The following UMAD1 variants were observed in gnomAD, a reference collection of about 807,000 sequenced individuals.
UMAD1 encodes the protein UBAP1-MVB12-associated (UMA) domain containing 1, also known as UBAP1-MVB12-associated (UMA)-domain containing protein 1.
In UMAD1, 8 loss-of-function variants were observed where a neutral mutation model predicts 6.1. The ratio of observed to expected loss-of-function variants is 1.30; its 90% CI spans 0.76 to 2.35. The LOEUF (loss-of-function observed/expected upper bound fraction) is 2.35, where lower values mean the gene tolerates loss of function less well. Among genes scored for constraint, UMAD1 ranks in the 30% most tolerant of loss-of-function variants. The pLI is 0.00. For synonymous variants in UMAD1, 56 were observed against 31.4 expected (o/e 1.78, Z -2.61); for missense variants, 130 against 78.4 (o/e 1.66, Z -2.49).
At chr7:7,832,652 C>T (rs1783488889) in intron 3 of UMAD1, among the ~76,000 whole-genome samples, 1 of 152,192 alleles carries the variant, frequency 6.6e-6, no homozygotes, top group African/African-American at 2.4e-5. Context: ...CAGTGCTCTT[C>T]AGTGATGATC....
At position 7,648,279 on chromosome 7, in the gene UMAD1, T is replaced by TGCTTAAGTTTTCTCC. The variant is rs537597584; in HGVS notation, c.-64+7474_-64+7488dup. 2.6e-5 allele frequency among the ~76,000 whole-genome samples: 4 copies of TGCTTAAGTTTTCTCC among 152,384 alleles called. 1 individual carries two copies. In the South Asian group the frequency reaches 8.3e-4, roughly 32 times the overall value. ...GATCATGAGTGATTTGCTGTTTCTCTGCTTAAGTTTTCTCCGCTTAAGTTT... is the reference window on the plus strand; with the variant it reads ...GATCATGAGTGATTTGCTGTTTCTCTGCTTAAGTTTTCTCCGCTTAAGTTTTCTCCGCTTAAGTTT... On this transcript the variant is annotated intron_variant, in intron 1 of 3. Coordinates refer to ENST00000682710, the MANE Select transcript of UMAD1 (RefSeq NM_001302348.2).
chr7:7,853,135 T>C (rs533365949), intron 3 of UMAD1, among the ~76,000 whole-genome samples: 66 of 152,218 alleles, frequency 4.3e-4, no homozygotes, highest in Non-Finnish European at 7.8e-4. Flanking sequence ...AAAACCAGTA[T>C]ATATGTATAT....
chr7:7,767,041 C>T (rs1374088271), intron 2 of UMAD1, among the ~76,000 whole-genome samples: 3 of 151,476 alleles, frequency 2.0e-5, no homozygotes, highest in African/African-American at 7.3e-5. Flanking sequence ...GGTCCTTTCA[C>T]CCAAAAAAAA....
At chr7:7,710,293 T>G (rs971643382) in intron 2 of UMAD1, among the ~76,000 whole-genome samples, 1 of 152,166 alleles carries the variant, frequency 6.6e-6, no homozygotes, top group Non-Finnish European at 1.5e-5. Context: ...GTCTCACACT[T>G]TATGCAAAAA....
chr7:7,755,594 T>C (rs961121292), intron 2 of UMAD1, among the ~76,000 whole-genome samples: 1 of 152,196 alleles, frequency 6.6e-6, no homozygotes, highest in Non-Finnish European at 1.5e-5. Context: ...GTCCAGCCTA[T>C]GCCAGGCTTA....
At chr7:7,729,060 A>G (rs921265968) in intron 2 of UMAD1, among the ~76,000 whole-genome samples, 1 of 152,214 alleles carries the variant, frequency 6.6e-6, no homozygotes, top group African/African-American at 2.4e-5. Context: ...CCATAAGTAC[A>G]TAATGTATTT....
At chr7:7,657,978 C>T (rs2115085381) in intron 1 of UMAD1, among the ~76,000 whole-genome samples, 1 of 152,218 alleles carries the variant, frequency 6.6e-6, no homozygotes, top group South Asian at 2.1e-4. Context: ...TGTGTCCTCT[C>T]CTATTTCCTT....
At chr7:7,651,962 C>G (rs181195815) in intron 1 of UMAD1, among the ~76,000 whole-genome samples, 13 of 152,304 alleles carry the variant, frequency 8.5e-5, no homozygotes, top group African/African-American at 2.9e-4. Context: ...TGACTCCTCC[C>G]TCTCTCCCCT....
intron 2 of UMAD1, among the ~76,000 whole-genome samples, chr7:7,781,318 C>G (rs1364121925): frequency 6.6e-6 from 1 of 151,922 alleles, no homozygotes; most frequent in Non-Finnish European, 1.5e-5. Context: ...CGCAGCTTCC[C>G]CTCCCGACCT....
chr7:7,667,412 C>T (rs567606655), intron 1 of UMAD1, among the ~76,000 whole-genome samples: 2 of 152,274 alleles, frequency 1.3e-5, no homozygotes, highest in Admixed American at 6.5e-5. Flanking sequence ...TTAGAGCTTA[C>T]CGCATACTAG....
chr7:7,724,880 G>A (rs1384905825), intron 2 of UMAD1, among the ~76,000 whole-genome samples: 1 of 152,104 alleles, frequency 6.6e-6, no homozygotes, highest in Non-Finnish European at 1.5e-5. Context: ...CAACTCTCTG[G>A]CTTTGTGTCA....
intron 1 of UMAD1, among the ~76,000 whole-genome samples, chr7:7,642,963 T>G (rs1239555700): frequency 2.0e-5 from 3 of 152,206 alleles, no homozygotes; most frequent in Non-Finnish European, 4.4e-5. Context: ...TTCTGACTTC[T>G]TTTGTTTGTT....
chr7:7,735,446 G>C (rs1160344485), intron 2 of UMAD1, among the ~76,000 whole-genome samples: 6 of 147,868 alleles, frequency 4.1e-5, no homozygotes, highest in Non-Finnish European at 8.9e-5. Context: ...TTTCACACTT[G>C]TTGCCCAGGC....
intron 2 of UMAD1, among the ~76,000 whole-genome samples, chr7:7,731,492 A>AAT (rs1781255245): frequency 9.0e-6 from 1 of 111,086 alleles, no homozygotes; most frequent in African/African-American, 3.7e-5. Context: ...ACCCCCCCCC[A>AAT]AAAAAAAAAC....
At chr7:7,799,601 CG>C (rs1186638118) in intron 2 of UMAD1, among the ~76,000 whole-genome samples, 1 of 152,096 alleles carries the variant, frequency 6.6e-6, no homozygotes, top group African/African-American at 2.4e-5. Context: ...TTTTATAGTG[CG>C]TTATACGTAT....
chr7:7,710,786 A>G (rs1489844518), intron 2 of UMAD1, among the ~76,000 whole-genome samples: 1 of 152,204 alleles, frequency 6.6e-6, no homozygotes, highest in African/African-American at 2.4e-5. Context: ...CTGGATACAC[A>G]CCAAATATCC....
chr7:7,708,365 T>G (rs1327555825), intron 2 of UMAD1, among the ~76,000 whole-genome samples: 1 of 152,216 alleles, frequency 6.6e-6, no homozygotes, highest in African/African-American at 2.4e-5. Flanking sequence ...TTGCTCAGCT[T>G]TAGTTTTGTA....
intron 1 of UMAD1, among the ~76,000 whole-genome samples, chr7:7,653,385 C>T (rs1019475487): frequency 6.6e-6 from 1 of 152,150 alleles, no homozygotes; most frequent in African/African-American, 2.4e-5. Context: ...ATTCTTAGTG[C>T]AGTTTGTTTA....
At chr7:7,674,549 C>T (rs1779690301) in intron 2 of UMAD1, among the ~76,000 whole-genome samples, 2 of 152,186 alleles carry the variant, frequency 1.3e-5, no homozygotes, top group African/African-American at 4.8e-5. Flanking sequence ...GAATTGTTTT[C>T]TTCAGACCAG....
Sources: gnomAD v4.1 joint callset for allele counts (sites outside exome capture counted in the v4.1 genomes callset) on GRCh38, gnomAD v4.1.1 for gene constraint, MANE v1.5 for transcripts, NCBI Gene and HGNC (gene_info 2026-07-23, HGNC 2026-07-21) for gene names.